Variants in NRXN3 observed in about 807,000 individuals in gnomAD.
NRXN3 encodes the protein neurexin III.
NRXN3 carries 32 observed loss-of-function variants against 137.6 expected under a neutral mutation model. The observed-to-expected ratio is 0.23, with a 90% CI of 0.18 to 0.31. NRXN3 has a LOEUF of 0.31. Ranked by LOEUF, NRXN3 falls within the 10% of genes least tolerant of loss-of-function variation. NRXN3 has a pLI of 1.00. For synonymous variants in NRXN3, 798 were observed against 784.5 expected, an observed-to-expected ratio of 1.02 and a Z score of -0.29; for missense variants, 1,574 against 2,062.5, an observed-to-expected ratio of 0.76 and a Z score of 4.59.
intron 14 of NRXN3, among the ~76,000 whole-genome samples, chr14:78,971,550 T>C (rs1374602092): frequency 6.6e-6 from 1 of 152,150 alleles, no homozygotes; most frequent in African/African-American, 2.4e-5. Context: ...AGTAAATGTG[T>C]TACCTTCCCT....
chr14:78,850,385 G>A (rs890107542), intron 10 of NRXN3, among the ~76,000 whole-genome samples: 4 of 152,110 alleles, frequency 2.6e-5, no homozygotes, highest in African/African-American at 7.2e-5. Context: ...GGAGTCCATA[G>A]TGATTTCAAG....
At chr14:79,563,645 G>T (rs2097522755) in intron 16 of NRXN3, among the ~76,000 whole-genome samples, 1 of 141,492 alleles carries the variant, frequency 7.1e-6, no homozygotes, top group East Asian at 2.1e-4. Flanking sequence ...TCAGGGATGA[G>T]CTTCCCACAA....
intron 10 of NRXN3, among the ~76,000 whole-genome samples, chr14:78,863,978 G>C (rs957364894): frequency 2.0e-5 from 3 of 152,066 alleles, no homozygotes; most frequent in African/African-American, 7.2e-5. Context: ...AATAGTAAAA[G>C]TATAAACAAC....
intron 14 of NRXN3, among the ~76,000 whole-genome samples, chr14:78,977,231 T>C (rs530321899): frequency 1.3e-5 from 2 of 152,304 alleles, no homozygotes; most frequent in South Asian, 2.1e-4. Flanking sequence ...AAAGAGTACA[T>C]AGATGACCAG....
intron 15 of NRXN3, among the ~76,000 whole-genome samples, chr14:79,306,724 G>T (rs777416986): frequency 9.9e-5 from 15 of 152,004 alleles, no homozygotes; most frequent in Non-Finnish European, 1.9e-4. Context: ...TTTGAGATAA[G>T]CCCCAGTTGT....
intron 15 of NRXN3, among the ~76,000 whole-genome samples, chr14:79,157,532 A>G (rs370280207): frequency 1.3e-5 from 2 of 151,950 alleles, no homozygotes; most frequent in African/African-American, 2.4e-5. Flanking sequence ...AGAAAGCAGC[A>G]AATACTTATC....
chr14:79,227,313 C>T (rs557089006), intron 15 of NRXN3, among the ~76,000 whole-genome samples: 1 of 152,206 alleles, frequency 6.6e-6, no homozygotes, highest in South Asian at 2.1e-4. Flanking sequence ...TCTTTCACCT[C>T]TTATACTTTC....
Position 78,645,366 on chromosome 14 carries a change from G to C in NRXN3, c.1004G>C (p.Gly335Ala). Residue 335 changes from glycine (G) to alanine (A), a missense_variant, in exon 5 of 21, where the codon GGA becomes GCA. This residue lies in a region of NRXN3 where 400 missense variants were observed against 527.3 expected (regional missense o/e 0.76). Coordinates refer to ENST00000335750, the MANE Select transcript of NRXN3 (RefSeq NM_001330195.2). ...AFEAIVEPVNGKFNDNAWHDV... is the reference protein window; with the variant it reads ...AFEAIVEPVNAKFNDNAWHDV... ...GAGGCCATTGTGGAGCCAGTGAATGGAAAATTCAACGACAACGCCTGGCAT... is the reference window on the plus strand; with the variant it reads ...GAGGCCATTGTGGAGCCAGTGAATGCAAAATTCAACGACAACGCCTGGCAT... 6.3e-7 allele frequency: 1 copy of C among 1,597,946 alleles called. No individual in the cohort carries two copies. Among genetic ancestry groups the C allele is most frequent in the Non-Finnish European group, 8.5e-7 (1 of 1,178,950 alleles).
chr14:79,244,302 C>G lies in NRXN3; in HGVS notation c.3263-222919C>G, dbSNP rs149665658. Among the ~76,000 whole-genome samples, 704 of 152,206 alleles carry G rather than the reference C, an allele frequency of 4.6e-3. 6 individuals carry two copies. Among genetic ancestry groups the G allele is most frequent in the South Asian group, 0.033 (158 of 4,822 alleles). On this transcript the variant is annotated intron_variant, in intron 15 of 20. Transcript: ENST00000335750. ...TATGCTCCCTGACATCTAAAATGGG[C>G]CCAGAAGCAAAACACTTTGCCTGCC...
At chr14:79,134,956 C>T (rs549871951) in intron 15 of NRXN3, among the ~76,000 whole-genome samples, 85 of 152,294 alleles carry the variant, frequency 5.6e-4, no homozygotes, top group African/African-American at 1.7e-3. Flanking sequence ...CCTTTCACTG[C>T]TGACCAAGGT....
At chr14:79,361,795 A>G (rs1479566452) in intron 15 of NRXN3, among the ~76,000 whole-genome samples, 5 of 152,204 alleles carry the variant, frequency 3.3e-5, no homozygotes, top group African/African-American at 4.8e-5. Context: ...CAATGACCAG[A>G]TATAAGGGAA....
intron 3 of NRXN3, among the ~76,000 whole-genome samples, chr14:78,293,446 A>G (rs1476390611): frequency 6.6e-6 from 1 of 151,988 alleles, no homozygotes; most frequent in East Asian, 1.9e-4. Context: ...ACCACCTTGA[A>G]TCCATCCCCC....
chr14:78,349,088 G>A (rs1333085999), intron 4 of NRXN3, among the ~76,000 whole-genome samples: 1 of 152,228 alleles, frequency 6.6e-6, no homozygotes, highest in Non-Finnish European at 1.5e-5. Context: ...CATTTACCAT[G>A]TGGTGCCTTT....
At chr14:78,871,137 C>T (rs959082603) in intron 10 of NRXN3, among the ~76,000 whole-genome samples, 5 of 149,558 alleles carry the variant, frequency 3.3e-5, no homozygotes, top group African/African-American at 4.9e-5. Flanking sequence ...AGGAATACTC[C>T]GTGCTGTTCT....
At chr14:79,183,260 C>G (rs1231518100) in intron 15 of NRXN3, among the ~76,000 whole-genome samples, 1 of 152,148 alleles carries the variant, frequency 6.6e-6, no homozygotes, top group African/African-American at 2.4e-5. Context: ...AGCTCTACTT[C>G]CCTATACTTC....
At chr14:78,762,006 T>C (rs1163613888) in intron 8 of NRXN3, among the ~76,000 whole-genome samples, 1 of 152,228 alleles carries the variant, frequency 6.6e-6, no homozygotes, top group Non-Finnish European at 1.5e-5. Context: ...GAGGCTCAGA[T>C]GGATTCATTT....
chr14:79,714,867 C>T lies in NRXN3; in HGVS notation c.4014+16930C>T, dbSNP rs2098818144. 2.0e-5 allele frequency among the ~76,000 whole-genome samples: 3 copies of T among 152,156 alleles called. No individual in the cohort carries two copies. In the South Asian group the frequency reaches 6.2e-4, roughly 32 times the overall value. On this transcript the variant is annotated intron_variant, in intron 19 of 20. Coordinates refer to ENST00000335750, the MANE Select transcript of NRXN3 (RefSeq NM_001330195.2). ...CCTTTTTAAATTCAAAAGACACTTT[C>T]CTTTGCAATGCACTATGAAAGGCGA... is the stretch of plus-strand genomic sequence containing the variant.
intron 4 of NRXN3, among the ~76,000 whole-genome samples, chr14:78,327,086 A>C (rs1339775016): frequency 6.6e-6 from 1 of 152,192 alleles, no homozygotes; most frequent in East Asian, 1.9e-4. Flanking sequence ...TAATATTATT[A>C]TTAAGTGAAC....
intron 4 of NRXN3, among the ~76,000 whole-genome samples, chr14:78,468,338 T>C (rs1031348777): frequency 1.3e-5 from 2 of 152,172 alleles, no homozygotes; most frequent in African/African-American, 4.8e-5. Flanking sequence ...CTCTCATCTT[T>C]GGTCAGTTGC....
Sources: allele counts gnomAD v4.1 joint callset (sites outside exome capture counted in the v4.1 genomes callset), GRCh38; gene constraint gnomAD v4.1.1; regional missense constraint gnomAD v4.1.1; transcripts MANE v1.5; gene names NCBI Gene and HGNC (gene_info 2026-07-23, HGNC 2026-07-21).